Variants in LRBA observed in about 807,000 individuals in gnomAD.
The protein encoded by LRBA is lipopolysaccharide-responsive and beige-like anchor protein.
Under a neutral mutation model 330.0 loss-of-function variants are expected in LRBA, and 176 were observed. The ratio of observed to expected loss-of-function variants is 0.53; its 90% CI spans 0.47 to 0.60. LRBA has a LOEUF of 0.60. LRBA is among the 20% of genes least tolerant of loss of function. The pLI is 0.00. For synonymous variants in LRBA, 1,230 were observed against 1,193.0 expected (o/e 1.03, Z -0.64); for missense variants, 3,259 against 3,444.8 (o/e 0.95, Z 1.35).
intron 36 of LRBA, among the ~76,000 whole-genome samples, chr4:150,700,390 AG>A (rs1785005464): frequency 1.3e-5 from 2 of 152,148 alleles, no homozygotes; most frequent in Admixed American, 6.5e-5. Context: ...AACACAGAAA[AG>A]GTATGGTAAA....
At chr4:150,756,115 G>A (rs1450740122) in intron 35 of LRBA, among the ~76,000 whole-genome samples, 1 of 149,642 alleles carries the variant, frequency 6.7e-6, no homozygotes, top group Admixed American at 6.7e-5. Flanking sequence ...TAGAGGTTAA[G>A]AACAAAAAGA....
chr4:150,466,771 A>G (rs1755501368), intron 44 of LRBA, among the ~76,000 whole-genome samples: 1 of 152,136 alleles, frequency 6.6e-6, no homozygotes, highest in Non-Finnish European at 1.5e-5. Context: ...CTTTGTACTC[A>G]GACATTAAAG....
intron 17 of LRBA, among the ~76,000 whole-genome samples, chr4:150,883,595 G>T (rs766316375): frequency 6.6e-6 from 1 of 151,840 alleles, no homozygotes; most frequent in African/African-American, 2.4e-5. Context: ...TTAAATCATC[G>T]AAAACAAAAA....
chr4:150,610,725 G>T (rs1775171303), intron 37 of LRBA, among the ~76,000 whole-genome samples: 1 of 152,054 alleles, frequency 6.6e-6, no homozygotes, highest in Non-Finnish European at 1.5e-5. Context: ...AGAACGCCTG[G>T]GATGACTATG....
chr4:150,760,782 T>G (rs1285399226), intron 35 of LRBA, among the ~76,000 whole-genome samples: 1 of 152,176 alleles, frequency 6.6e-6, no homozygotes, highest in Admixed American at 6.6e-5. Flanking sequence ...ACTTACATAT[T>G]TCTATCACAG....
At chr4:150,771,433 C>G (rs1245733706) in intron 34 of LRBA, among the ~76,000 whole-genome samples, 1 of 152,120 alleles carries the variant, frequency 6.6e-6, no homozygotes, top group Non-Finnish European at 1.5e-5. Flanking sequence ...CATTCATTTG[C>G]TGTGAAATAG....
At chr4:150,917,062 A>G (rs1156263943) in intron 5 of LRBA, among the ~76,000 whole-genome samples, 2 of 152,068 alleles carry the variant, frequency 1.3e-5, no homozygotes, top group Non-Finnish European at 2.9e-5. Context: ...CTGAGACAGG[A>G]GAACGGCGTG....
rs1158796149 is a variant in LRBA, at chr4:150,264,756, T to C, written c.*966A>G. 6.5e-6 allele frequency: 1 copy of C among 152,706 alleles called. No homozygotes were observed. 9.5% of individuals were successfully genotyped at this position (152,706 alleles called of 1,614,324 possible). On this transcript the variant is annotated 3_prime_UTR_variant, in exon 57 of 57. Transcript: ENST00000651943. ...GTAATCTACTAGAAAAGTAGAATTA[T>C]ACACCACCAAATAACATTGTTTCGT...
chr4:150,337,557 A>G (rs575106665), intron 48 of LRBA, among the ~76,000 whole-genome samples: 25 of 152,328 alleles, frequency 1.6e-4, no homozygotes, highest in African/African-American at 5.8e-4. Flanking sequence ...GTTTTCAATT[A>G]AAACCTGACT....
At chr4:150,894,901 A>C (rs1729896789) in intron 16 of LRBA, among the ~76,000 whole-genome samples, 1 of 152,198 alleles carries the variant, frequency 6.6e-6, no homozygotes, top group African/African-American at 2.4e-5. Flanking sequence ...AATTAATAGA[A>C]TTGCCTATTC....
chr4:150,874,659 G>A (rs1753805622), intron 17 of LRBA, among the ~76,000 whole-genome samples: 1 of 152,148 alleles, frequency 6.6e-6, no homozygotes, highest in Non-Finnish European at 1.5e-5. Context: ...CTGTGGTGCA[G>A]CAGGGCCCTC....
chr4:150,767,803 C>T (rs1459460051), intron 34 of LRBA, among the ~76,000 whole-genome samples: 7 of 132,732 alleles, frequency 5.3e-5, no homozygotes, highest in Non-Finnish European at 9.4e-5. Flanking sequence ...GTGGCTCACA[C>T]GTGTAATTCC....
Position 150,490,927 on chromosome 4 carries a change from C to T in LRBA, c.6439G>A (p.Ala2147Thr). ...LQNTALEIFM[A>T]NRVAVMFNFP... Reference sequence around the variant, plus strand: ...TTCTGTAACACATTACCTCTGTTTGCCATAAAGATCTCCAGGGCTGTATTT... The same window carrying T: ...TTCTGTAACACATTACCTCTGTTTGTCATAAAGATCTCCAGGGCTGTATTT... The change falls in exon 41 of 57, where the codon GCA becomes ACA. Residue 2147 changes from alanine to threonine, a missense_variant. Coordinates refer to ENST00000651943, the MANE Select transcript of LRBA (RefSeq NM_001364905.1). 1 of 1,594,032 alleles carries T rather than the reference C, an allele frequency of 6.3e-7. No individual in the cohort carries two copies. The highest frequency in any genetic ancestry group is 8.6e-7 in the Non-Finnish European group (1 of 1,164,252).
intron 40 of LRBA, among the ~76,000 whole-genome samples, chr4:150,566,969 T>C (rs1451612133): frequency 1.3e-5 from 2 of 152,146 alleles, no homozygotes; most frequent in Non-Finnish European, 2.9e-5. Context: ...AGCCACAATA[T>C]TTCCTAAGTA....
chr4:150,737,636 G>GA (rs144188391), intron 35 of LRBA, among the ~76,000 whole-genome samples: 27 of 147,748 alleles, frequency 1.8e-4, no homozygotes, highest in South Asian at 1.5e-3. Flanking sequence ...ACCACTGTGG[G>GA]AAAAAAAAAA....
intron 2 of LRBA, among the ~76,000 whole-genome samples, chr4:150,939,547 T>C (rs549633466): frequency 6.6e-6 from 1 of 152,236 alleles, no homozygotes; most frequent in African/African-American, 2.4e-5. Context: ...GGGAATAAAT[T>C]TCCATTGTTT....
At chr4:150,981,431 T>C (rs779509922) in intron 2 of LRBA, among the ~76,000 whole-genome samples, 10 of 140,000 alleles carry the variant, frequency 7.1e-5, no homozygotes, top group Non-Finnish European at 1.2e-4. Context: ...AAAAAAAAAA[T>C]TATAAAATTT....
chr4:150,351,516 T>C (rs1362039134), intron 47 of LRBA, among the ~76,000 whole-genome samples: 2 of 151,858 alleles, frequency 1.3e-5, no homozygotes, highest in Non-Finnish European at 2.9e-5. Flanking sequence ...AGTGAAACCC[T>C]GTCTCTACTA....
At chr4:150,366,349 A>T (rs920103816) in intron 47 of LRBA, among the ~76,000 whole-genome samples, 1 of 152,230 alleles carries the variant, frequency 6.6e-6, no homozygotes, top group Non-Finnish European at 1.5e-5. Flanking sequence ...TTCTTCAAAA[A>T]TATAACTCTT....
Sources: allele counts gnomAD v4.1 joint callset (sites outside exome capture counted in the v4.1 genomes callset), GRCh38; gene constraint gnomAD v4.1.1; transcripts MANE v1.5; gene names NCBI Gene and HGNC (gene_info 2026-07-23, HGNC 2026-07-21).